GABRA1: variants seen among roughly 807,000 people sequenced by gnomAD.
GABRA1 encodes the protein gamma-aminobutyric acid receptor subunit alpha-1.
Under a neutral mutation model 48.9 loss-of-function variants are expected in GABRA1, and 9 were observed. The ratio of observed to expected loss-of-function variants is 0.18; its 90% CI spans 0.11 to 0.32. GABRA1 has a LOEUF of 0.32. GABRA1 is among the 10% of genes least tolerant of loss of function. GABRA1 has a pLI of 1.00. For synonymous variants in GABRA1, 210 were observed against 198.7 expected, an observed-to-expected ratio of 1.06 and a Z score of -0.48; for missense variants, 285 against 553.8, an observed-to-expected ratio of 0.51 and a Z score of 4.87.
chr5:161,863,904 C>T (rs1380086061), intron 3 of GABRA1, among the ~76,000 whole-genome samples: 1 of 151,826 alleles, frequency 6.6e-6, no homozygotes, highest in Non-Finnish European at 1.5e-5. Context: ...CATGATTTCT[C>T]AGAGACATTA....
intron 3 of GABRA1, among the ~76,000 whole-genome samples, chr5:161,862,581 T>A (rs1374256486): frequency 6.6e-6 from 1 of 151,928 alleles, no homozygotes; most frequent in Non-Finnish European, 1.5e-5. Context: ...TACTCACATC[T>A]CTATCCATCC....
intron 8 of GABRA1, among the ~76,000 whole-genome samples, chr5:161,894,156 A>G (rs987548436): frequency 1.3e-5 from 2 of 152,178 alleles, no homozygotes; most frequent in Non-Finnish European, 2.9e-5. Flanking sequence ...TAAACACTTC[A>G]TTGCATTACC....
chr5:161,887,444 GA>G (rs1269688108), intron 7 of GABRA1, among the ~76,000 whole-genome samples: 38 of 146,516 alleles, frequency 2.6e-4, no homozygotes, highest in East Asian at 2.0e-3. Context: ...TAAGTCCTGG[GA>G]AAAAAAAAAG....
intron 4 of GABRA1, among the ~76,000 whole-genome samples, chr5:161,870,946 CTGTGTGTGTGTGTGTGTGTG>C (rs59726286): frequency 0.14 from 20,090 of 141,336 alleles, 1,797 homozygotes; most frequent in Non-Finnish European, 0.21. Flanking sequence ...GAGTGTTGCT[CTGTGTGTGTGTGTGTGTGTG>C]TGTGTGTGTG....
At position 161,875,657 on chromosome 5, in the gene GABRA1, A is replaced by G. The variant is rs1158989604; in HGVS notation, c.559+15A>G. On this transcript the variant is annotated intron_variant, in intron 6 of 9. Coordinates refer to ENST00000393943, the MANE Select transcript of GABRA1 (RefSeq NM_001127644.2). ...ATTTGGAAGTTGTGAGTAAATTTAT[A>G]TGGACTTTTCTTGATTGTAAGTCAT... 8.2e-6 allele frequency: 13 copies of G among 1,577,066 alleles called. No homozygotes were observed. Among genetic ancestry groups the G allele is most frequent in the African/African-American group, 1.3e-5 (1 of 74,152 alleles).
intron 7 of GABRA1, among the ~76,000 whole-genome samples, chr5:161,883,047 G>T (rs1754685286): frequency 6.6e-6 from 1 of 152,170 alleles, no homozygotes; most frequent in Admixed American, 6.6e-5. Flanking sequence ...TTGCAGGGTG[G>T]TTGGAAGAAA....
chr5:161,875,655 A>G lies in GABRA1; in HGVS notation c.559+13A>G, dbSNP rs770649706. 2 of 1,580,004 alleles carry G rather than the reference A, an allele frequency of 1.3e-6. No homozygotes were observed. Among genetic ancestry groups the G allele is most frequent in the South Asian group, 1.1e-5 (1 of 90,384 alleles). On this transcript the variant is annotated intron_variant, in intron 6 of 9. Coordinates refer to ENST00000393943, the MANE Select transcript of GABRA1 (RefSeq NM_001127644.2). Reference sequence around the variant, plus strand: ...AAATTTGGAAGTTGTGAGTAAATTTATATGGACTTTTCTTGATTGTAAGTC... The same window carrying G: ...AAATTTGGAAGTTGTGAGTAAATTTGTATGGACTTTTCTTGATTGTAAGTC...
chr5:161,853,262 C>T (rs193275723), intron 2 of GABRA1, among the ~76,000 whole-genome samples: 27 of 151,670 alleles, frequency 1.8e-4, no homozygotes, highest in African/African-American at 5.6e-4. Flanking sequence ...ACTATGTGGT[C>T]GAAACACAAA....
chr5:161,874,885 A>C (rs1754277626), intron 5 of GABRA1, among the ~76,000 whole-genome samples: 1 of 152,138 alleles, frequency 6.6e-6, no homozygotes. Context: ...AGCAATCCAA[A>C]AAAAAACAAA....
upstream of GABRA1, chr5:161,847,285 C>A (rs1035774075): frequency 4.6e-5 from 7 of 152,044 alleles, no homozygotes; most frequent in African/African-American, 1.4e-4. Flanking sequence ...TTTCCTAATC[C>A]GAGAATGATG....
intron 3 of GABRA1, among the ~76,000 whole-genome samples, chr5:161,859,934 C>T (rs1295949593): frequency 6.6e-6 from 1 of 151,594 alleles, no homozygotes; most frequent in Non-Finnish European, 1.5e-5. Flanking sequence ...TTTTGAAATT[C>T]TACTCTGGAA....
intron 3 of GABRA1, among the ~76,000 whole-genome samples, chr5:161,856,484 G>C (rs1002230156): frequency 1.3e-5 from 2 of 151,332 alleles, no homozygotes; most frequent in East Asian, 1.9e-4. Flanking sequence ...CTTTACTAAA[G>C]ATGGTTTTTC....
intron 4 of GABRA1, among the ~76,000 whole-genome samples, chr5:161,871,748 TA>T (rs1316256076): frequency 2.6e-5 from 4 of 152,166 alleles, no homozygotes; most frequent in Admixed American, 2.0e-4. Flanking sequence ...CACAAAATCC[TA>T]ACCAGGAAAC....
At chr5:161,893,969 AT>A (rs1720923331) in intron 8 of GABRA1, among the ~76,000 whole-genome samples, 1 of 152,144 alleles carries the variant, frequency 6.6e-6, no homozygotes, top group African/African-American at 2.4e-5. Context: ...ACTGCTCTTA[AT>A]TTATGGACAC....
chr5:161,876,937 G>C (rs189075651), intron 6 of GABRA1, among the ~76,000 whole-genome samples: 89 of 152,126 alleles, frequency 5.9e-4, no homozygotes, highest in African/African-American at 2.1e-3. Context: ...CTAATATACT[G>C]GTATACTTTT....
intron 2 of GABRA1, among the ~76,000 whole-genome samples, chr5:161,851,232 TAAC>T (rs1757435333): frequency 4.6e-5 from 7 of 152,170 alleles, no homozygotes; most frequent in Non-Finnish European, 1.5e-5. Context: ...TAACCTGATT[TAAC>T]AACAAGAAAA....
chr5:161,876,570 C>G (rs149954108), intron 6 of GABRA1, among the ~76,000 whole-genome samples: 71 of 152,174 alleles, frequency 4.7e-4, no homozygotes, highest in Admixed American at 1.6e-3. Context: ...TAGCAAAAGG[C>G]CTTCGGGCTC....
chr5:161,861,373 A>AT (rs898443041), intron 3 of GABRA1, among the ~76,000 whole-genome samples: 19 of 151,726 alleles, frequency 1.3e-4, no homozygotes, highest in Non-Finnish European at 2.1e-4. Flanking sequence ...CAAAATATAC[A>AT]TTTTTTTCTA....
rs1376907797 is a variant in GABRA1 at position 161,873,301 on chromosome 5, G to A, written c.440G>A (p.Arg147Gln). The change falls in exon 5 of 10, where the codon CGG becomes CAG. Residue 147 changes from arginine to glutamine, a missense_variant. This residue lies in a region of GABRA1 where 105 missense variants were observed against 267.4 expected (regional missense o/e 0.39). Coordinates refer to ENST00000393943, the MANE Select transcript of GABRA1 (RefSeq NM_001127644.2). ...ATGACCATGCCCAACAAACTCCTGC[G>A]GATCACAGAGGATGGCACCTTGCTG... ...HNMTMPNKLLRITEDGTLLYT... is the reference protein window; with the variant it reads ...HNMTMPNKLLQITEDGTLLYT... The A allele has an allele frequency of 6.2e-7, 1 of 1,613,678 alleles. No individual in the cohort carries two copies. Among genetic ancestry groups the A allele is most frequent in the South Asian group, 1.1e-5 (1 of 91,074 alleles).
Sources: gnomAD v4.1 joint callset for allele counts (sites outside exome capture counted in the v4.1 genomes callset) on GRCh38, gnomAD v4.1.1 for gene constraint, gnomAD v4.1.1 regional missense constraint, MANE v1.5 for transcripts, NCBI Gene and HGNC (gene_info 2026-07-23, HGNC 2026-07-21) for gene names.